Variants in PTPRD observed in about 807,000 individuals in gnomAD.
PTPRD encodes the protein receptor-type tyrosine-protein phosphatase delta.
In PTPRD, 34 loss-of-function variants were observed where a neutral mutation model predicts 214.5. The ratio of observed to expected loss-of-function variants is 0.16; its 90% confidence interval spans 0.12 to 0.21. PTPRD has a LOEUF of 0.21. PTPRD is among the 10% of genes least tolerant of loss of function. PTPRD has a pLI of 1.00. For missense variants in PTPRD, 2,545 were observed against 2,398.7 expected (o/e 1.06, Z -1.27); for synonymous variants, 1,128 against 845.7 (o/e 1.33, Z -5.79).
chr9:10,473,411 T>C (rs1399243328), intron 2 of PTPRD, among the ~76,000 whole-genome samples: 1 of 152,126 alleles, frequency 6.6e-6, no homozygotes, highest in Admixed American at 6.6e-5. Context: ...TAGAGATATC[T>C]CAGTGCTATT....
chr9:8,755,088 C>T (rs2093875995), intron 11 of PTPRD, among the ~76,000 whole-genome samples: 1 of 152,060 alleles, frequency 6.6e-6, no homozygotes, highest in Non-Finnish European at 1.5e-5. Flanking sequence ...CAAATTAAAA[C>T]TCATATACTG....
intron 3 of PTPRD, among the ~76,000 whole-genome samples, chr9:10,323,818 G>T (rs12000988): frequency 0.044 from 6,670 of 151,934 alleles, 466 homozygotes; most frequent in African/African-American, 0.15. Flanking sequence ...ATTCCACATT[G>T]TATCAAAAAG....
chr9:9,943,732 A>G (rs1223097405), intron 4 of PTPRD, among the ~76,000 whole-genome samples: 1 of 152,138 alleles, frequency 6.6e-6, no homozygotes, highest in African/African-American at 2.4e-5. Context: ...TCTCTAGAGG[A>G]AGAGCCTTCT....
chr9:9,256,946 A>G (rs1401979766), intron 9 of PTPRD, among the ~76,000 whole-genome samples: 1 of 152,018 alleles, frequency 6.6e-6, no homozygotes, highest in Non-Finnish European at 1.5e-5. Flanking sequence ...TCCCCAGAAA[A>G]AGAAAAGCCT....
chr9:8,788,694 C>A (rs1436991200), intron 11 of PTPRD, among the ~76,000 whole-genome samples: 2 of 152,142 alleles, frequency 1.3e-5, no homozygotes, highest in African/African-American at 4.8e-5. Context: ...TTCGAATCAG[C>A]CATAACTGTT....
chr9:9,519,553 A>T (rs534940861), intron 8 of PTPRD, among the ~76,000 whole-genome samples: 1 of 152,026 alleles, frequency 6.6e-6, no homozygotes, highest in Non-Finnish European at 1.5e-5. Context: ...ATACAAAAGG[A>T]TCGTATGAAC....
intron 12 of PTPRD, among the ~76,000 whole-genome samples, chr9:8,643,315 T>C (rs1233981884): frequency 5.3e-5 from 8 of 151,866 alleles, no homozygotes; most frequent in Non-Finnish European, 1.0e-4. Flanking sequence ...TATAGATTTA[T>C]AGAAAGCTTT....
intron 14 of PTPRD, among the ~76,000 whole-genome samples, chr9:8,615,622 G>A (rs537551057): frequency 4.6e-5 from 7 of 152,094 alleles, no homozygotes; most frequent in East Asian, 3.9e-4. Flanking sequence ...ACCATTCTAA[G>A]TGAATTTCGT....
chr9:10,154,812 G>C (rs1228656073), intron 3 of PTPRD, among the ~76,000 whole-genome samples: 1 of 152,020 alleles, frequency 6.6e-6, no homozygotes, highest in Non-Finnish European at 1.5e-5. Context: ...CTATATGCCT[G>C]TTTTTGTACC....
At chr9:9,720,795 T>C (rs1363847835) in intron 7 of PTPRD, among the ~76,000 whole-genome samples, 3 of 136,598 alleles carry the variant, frequency 2.2e-5, no homozygotes, top group East Asian at 1.9e-4. Flanking sequence ...ATATACACCA[T>C]GGAATACTAT....
At chr9:8,649,968 A>C (rs1449370146) in intron 12 of PTPRD, among the ~76,000 whole-genome samples, 1 of 152,068 alleles carries the variant, frequency 6.6e-6, no homozygotes, top group African/African-American at 2.4e-5. Flanking sequence ...CCTAGGCTGG[A>C]CTGCAGTTGC....
intron 11 of PTPRD, among the ~76,000 whole-genome samples, chr9:8,743,457 C>T (rs920629370): frequency 5.3e-5 from 8 of 152,156 alleles, no homozygotes; most frequent in Admixed American, 1.3e-4. Flanking sequence ...GAAAGAAATA[C>T]TCAGTTTCAA....
intron 7 of PTPRD, among the ~76,000 whole-genome samples, chr9:9,716,567 C>G (rs564365175): frequency 1.9e-3 from 293 of 152,242 alleles, no homozygotes; most frequent in African/African-American, 6.7e-3. Context: ...GAGATTGTAT[C>G]TCATTGTGGT....
intron 2 of PTPRD, among the ~76,000 whole-genome samples, chr9:10,506,887 T>C (rs958036876): frequency 2.6e-5 from 4 of 152,160 alleles, no homozygotes; most frequent in Non-Finnish European, 5.9e-5. Flanking sequence ...TAATGTACCC[T>C]TCTCTGTGCA....
intron 9 of PTPRD, among the ~76,000 whole-genome samples, chr9:9,396,535 A>C (rs937349189): frequency 1.7e-4 from 26 of 152,050 alleles, no homozygotes; most frequent in Middle Eastern, 3.4e-3. Flanking sequence ...CATACAGTTG[A>C]TCTATTATTT....
chr9:9,498,902 T>C (rs965091899), intron 8 of PTPRD, among the ~76,000 whole-genome samples: 1 of 152,108 alleles, frequency 6.6e-6, no homozygotes, highest in Non-Finnish European at 1.5e-5. Flanking sequence ...ATCAGATCCA[T>C]AAATACTTTT....
At chr9:9,560,037 G>T (rs1387031546) in intron 8 of PTPRD, among the ~76,000 whole-genome samples, 3 of 152,188 alleles carry the variant, frequency 2.0e-5, no homozygotes, top group South Asian at 2.1e-4. Context: ...GGGCTTCTCG[G>T]CCAGTTCTCT....
At chr9:10,498,558 A>G (rs1221289708) in intron 2 of PTPRD, among the ~76,000 whole-genome samples, 1 of 151,866 alleles carries the variant, frequency 6.6e-6, no homozygotes, top group Non-Finnish European at 1.5e-5. Flanking sequence ...CAGAATGACA[A>G]AGAAAACTTA....
In PTPRD at chr9:10,014,386, T is replaced by C. The variant is rs2154110651; in HGVS notation, c.-472+19332A>G. 2.0e-5 allele frequency among the ~76,000 whole-genome samples: 3 copies of C among 152,120 alleles called. No individual in the cohort carries two copies. The South Asian group carries it at 6.2e-4, about 31-fold the overall frequency. ...TGTTACATTTACTTTTCACATTTTA[T>C]TATGTAGACTGTTAATTGCATATAT... is the stretch of plus-strand genomic sequence containing the variant. On this transcript the variant is annotated intron_variant, in intron 4 of 45. Transcript: ENST00000381196.
Sources: allele counts gnomAD v4.1 joint callset (sites outside exome capture counted in the v4.1 genomes callset), GRCh38; gene constraint gnomAD v4.1.1; transcripts MANE v1.5; gene names NCBI Gene and HGNC (gene_info 2026-07-23, HGNC 2026-07-21).